Variants in ZNF284 observed in about 807,000 individuals in gnomAD.
ZNF284 encodes zinc finger protein 284.
ZNF284 carries 12 observed loss-of-function variants against 12.9 expected under a neutral mutation model. The ratio of observed to expected loss-of-function variants is 0.93; its 90% CI spans 0.60 to 1.51. ZNF284 has a LOEUF of 1.51. ZNF284 is among the 40% of genes most tolerant of loss of function. The pLI, the probability that ZNF284 is intolerant of heterozygous loss-of-function variation, is 0.00. For missense variants in ZNF284, 667 were observed against 707.3 expected, an observed-to-expected ratio of 0.94 and a Z score of 0.65; for synonymous variants, 225 against 236.5, an observed-to-expected ratio of 0.95 and a Z score of 0.45.
At chr19:44,076,906 G>A (rs1967039322) in intron 2 of ZNF284, among the ~76,000 whole-genome samples, 1 of 149,224 alleles carries the variant, frequency 6.7e-6, no homozygotes, top group East Asian at 2.0e-4. Context: ...TGCAACCTCC[G>A]CCTCCCGGGT....
At chr19:44,080,567 C>G (rs1327312953) in intron 2 of ZNF284, among the ~76,000 whole-genome samples, 1 of 152,132 alleles carries the variant, frequency 6.6e-6, no homozygotes, top group Non-Finnish European at 1.5e-5. Flanking sequence ...GCCTGGGCGA[C>G]AGAGTGAGAC....
At chr19:44,079,916 G>A (rs566540754) in intron 2 of ZNF284, among the ~76,000 whole-genome samples, 8 of 151,792 alleles carry the variant, frequency 5.3e-5, no homozygotes, top group Non-Finnish European at 8.8e-5. Flanking sequence ...CAACAAGAGC[G>A]AAACTCCGTC....
intron 4 of ZNF284, among the ~76,000 whole-genome samples, chr19:44,084,897 C>CT (rs1407055575): frequency 6.6e-6 from 1 of 152,146 alleles, no homozygotes; most frequent in Admixed American, 6.5e-5. Flanking sequence ...AGTACCCTCT[C>CT]TGAGTGCCAT....
At chr19:44,085,578 C>T (rs1219040941) in intron 4 of ZNF284, 136 bp from the exon 5 acceptor site, 5 of 745,638 alleles carry the variant, frequency 6.7e-6, no homozygotes, top group Non-Finnish European at 1.1e-5. Context: ...CAACGAGAGA[C>T]CGTGGTGCAC....
chr19:44,087,353 CT>C lies in ZNF284; in HGVS notation c.*96del. The C allele has an allele frequency of 1.1e-6, 1 of 947,974 alleles. No homozygotes were observed. The highest frequency in any genetic ancestry group is 2.5e-5 in the South Asian group (1 of 39,648). The allele number at this position is 947,974 out of a possible 1,614,324, so 58.7% of individuals were successfully genotyped here. ...GTGTTATTAGCATATCCATCACCTC[CT>C]TTATCATTTATTTGTGGATCATTTA... On this transcript the variant is annotated 3_prime_UTR_variant, in exon 5 of 5. Coordinates refer to ENST00000421176, the MANE Select transcript of ZNF284 (RefSeq NM_001037813.4).
At chr19:44,072,312 C>T (rs533335667) in intron 1 of ZNF284, 21 bp downstream of exon 1, 5 of 152,334 alleles carry the variant, frequency 3.3e-5, no homozygotes, top group African/African-American at 1.2e-4. Context: ...ACAACGGCCT[C>T]TCTTTTCGTT....
chr19:44,086,705 T>G lies in ZNF284; in HGVS notation c.1227T>G (p.Tyr409Ter). The stretch of plus-strand genomic sequence containing the variant: ...GCGACGGATGTGGGAAGAGATTTTA[T>G]ATGAATTCACAGGGCCATTCACATC... ...FKCDGCGKRF[Y>*]MNSQGHSHQR... Residue 409 changes from tyrosine to a stop codon, truncating the protein, a stop_gained, in exon 5 of 5, where the codon TAT (tyrosine) becomes TAG (stop). Coordinates refer to ENST00000421176, the MANE Select transcript of ZNF284 (RefSeq NM_001037813.4). LOFTEE classifies it low-confidence loss of function (END_TRUNC). 1 of 1,614,098 alleles carries G rather than the reference T, an allele frequency of 6.2e-7. No homozygotes were observed. Among genetic ancestry groups the G allele is most frequent in the Non-Finnish European group, 8.5e-7 (1 of 1,179,982 alleles).
rs757227925 is a variant in ZNF284 at position 44,086,216 on chromosome 19, G to A, written c.738G>A (p.Met246Ile). The change falls in exon 5 of 5, where the codon ATG (methionine) becomes ATA (isoleucine). Residue 246 changes from methionine (M) to isoleucine (I), a missense_variant. Met to Ile is a conservative substitution (Grantham distance 10). Coordinates refer to ENST00000421176, the MANE Select transcript of ZNF284 (RefSeq NM_001037813.4). The stretch of plus-strand genomic sequence containing the variant: ...AAAGTTTCAGCCGTAGATCAGGAAT[G>A]TATGTTCATTGCAAATTACACACAG... ...CGKSFSRRSG[M>I]YVHCKLHTGE... The A allele has an allele frequency of 1.2e-6, 2 of 1,614,162 alleles. No individual in the cohort carries two copies. The highest frequency in any genetic ancestry group is 1.1e-5 in the South Asian group (1 of 91,076).
At chr19:44,080,097 C>T (rs867303205) in intron 2 of ZNF284, among the ~76,000 whole-genome samples, 5 of 152,172 alleles carry the variant, frequency 3.3e-5, no homozygotes, top group Admixed American at 1.3e-4. Context: ...TCCAAGGTCA[C>T]GTGGCTGGGA....
intron 4 of ZNF284, among the ~76,000 whole-genome samples, chr19:44,084,446 G>A (rs1967192671): frequency 6.6e-6 from 1 of 152,164 alleles, no homozygotes. Context: ...GGTGGCAGTG[G>A]CAGAGTGTGC....
At chr19:44,081,578 G>A (rs1240953576) in intron 3 of ZNF284, among the ~76,000 whole-genome samples, 1 of 152,064 alleles carries the variant, frequency 6.6e-6, no homozygotes, top group Middle Eastern at 3.2e-3. Context: ...CGGGCGTGGT[G>A]GCGGGCGTCT....
chr19:44,079,271 A>G (rs1159527664), intron 2 of ZNF284, among the ~76,000 whole-genome samples: 4 of 152,252 alleles, frequency 2.6e-5, no homozygotes, highest in African/African-American at 9.6e-5. Flanking sequence ...AATGAAAGTT[A>G]TAATAAAAAA....
chr19:44,080,990 A>C (rs1419898719), intron 2 of ZNF284, 25 bp from the exon 3 acceptor site: 2 of 1,604,962 alleles, frequency 1.2e-6, no homozygotes, highest in Non-Finnish European at 8.5e-7. Context: ...CATGAGATTG[A>C]GATTGCATAC....
At chr19:44,077,178 A>G (rs1477019357) in intron 2 of ZNF284, among the ~76,000 whole-genome samples, 1 of 152,178 alleles carries the variant, frequency 6.6e-6, no homozygotes, top group Non-Finnish European at 1.5e-5. Flanking sequence ...TTGAAAGAGT[A>G]CTTTTGACAT....
At chr19:44,076,751 T>C (rs1459948219) in intron 2 of ZNF284, among the ~76,000 whole-genome samples, 1 of 152,144 alleles carries the variant, frequency 6.6e-6, no homozygotes, top group African/African-American at 2.4e-5. Context: ...AATTGTGTTC[T>C]TTGTGTTTAA....
rs560366813 is a variant in ZNF284, at chr19:44,072,406, G to T, written c.-69+115G>T. 10 of 152,342 alleles carry T rather than the reference G, an allele frequency of 6.6e-5. No homozygotes were observed. In the East Asian group the frequency reaches 1.7e-3, roughly 26 times the overall value. The allele number at this position is 152,342 out of a possible 1,614,324, so 9.4% of individuals were successfully genotyped here. ...GGGGGTTGGGACTTGGTCGGGACGCGTCTCGCCTGGTTTGAGGGTTTTTGG... is the reference window on the plus strand; with the variant it reads ...GGGGGTTGGGACTTGGTCGGGACGCTTCTCGCCTGGTTTGAGGGTTTTTGG... On this transcript the variant is annotated intron_variant, in intron 1 of 4. Transcript: ENST00000421176.
intron 3 of ZNF284, 149 bp from the exon 4 acceptor site, chr19:44,081,864 G>T: frequency 1.7e-6 from 1 of 577,926 alleles, no homozygotes. Context: ...TATGACATGT[G>T]GGGATTATGG....
At chr19:44,078,963 G>A (rs1458075939) in intron 2 of ZNF284, among the ~76,000 whole-genome samples, 2 of 151,762 alleles carry the variant, frequency 1.3e-5, no homozygotes, top group East Asian at 3.9e-4. Context: ...GCTAATTTTT[G>A]TATATTTTGT....
At chr19:44,080,955 C>T in intron 2 of ZNF284, 60 bp from the exon 3 acceptor site, 2 of 1,569,926 alleles carry the variant, frequency 1.3e-6, no homozygotes, top group Admixed American at 1.7e-5. Context: ...TGCTCATTGC[C>T]ACCCTTCTCC....
Sources: allele counts gnomAD v4.1 joint callset (sites outside exome capture counted in the v4.1 genomes callset), GRCh38; gene constraint gnomAD v4.1.1; transcripts MANE v1.5; gene names NCBI Gene and HGNC (gene_info 2026-07-23, HGNC 2026-07-21).